Variants in SPHKAP observed in about 807,000 individuals in gnomAD.
The protein encoded by SPHKAP is A-kinase anchor protein SPHKAP.
In SPHKAP, 67 loss-of-function variants were observed where a neutral mutation model predicts 137.5. The observed-to-expected ratio is 0.49, with a 90% CI of 0.40 to 0.60. The LOEUF is 0.60. Among genes scored for constraint, SPHKAP ranks in the 20% least tolerant of loss-of-function variants. The pLI is 0.00. For synonymous variants in SPHKAP, 813 were observed against 785.3 expected (o/e 1.04, Z -0.59); for missense variants, 2,097 against 2,069.3 (o/e 1.01, Z -0.26).
intron 3 of SPHKAP, among the ~76,000 whole-genome samples, chr2:228,070,916 T>C (rs1229818687): frequency 6.6e-6 from 1 of 152,172 alleles, no homozygotes; most frequent in Non-Finnish European, 1.5e-5. Flanking sequence ...ACCACTTTGA[T>C]TCCTTCGGTG....
At chr2:228,164,981 A>G (rs551591026) in intron 1 of SPHKAP, among the ~76,000 whole-genome samples, 1 of 152,042 alleles carries the variant, frequency 6.6e-6, no homozygotes, top group Non-Finnish European at 1.5e-5. Flanking sequence ...AAGGGGGTGG[A>G]CTCTACTTGT....
chr2:228,006,294 C>T (rs1024337260), intron 7 of SPHKAP, among the ~76,000 whole-genome samples: 21 of 152,124 alleles, frequency 1.4e-4, no homozygotes, highest in Non-Finnish European at 1.0e-4. Flanking sequence ...TTCATTTGAT[C>T]TTCAGTCACT....
chr2:228,118,682 C>T (rs1400256922), intron 2 of SPHKAP, among the ~76,000 whole-genome samples: 2 of 152,052 alleles, frequency 1.3e-5, no homozygotes, highest in Non-Finnish European at 2.9e-5. Context: ...CATATTGGCT[C>T]ATATCATATT....
chr2:228,100,951 G>A (rs1015741606), intron 3 of SPHKAP, among the ~76,000 whole-genome samples: 1 of 152,116 alleles, frequency 6.6e-6, no homozygotes, highest in African/African-American at 2.4e-5. Flanking sequence ...ACCTCTGAGA[G>A]AATGGCCAAG....
chr2:228,131,913 A>C (rs1559190642), intron 2 of SPHKAP, 67 bp downstream of exon 2: 1 of 1,562,262 alleles, frequency 6.4e-7, no homozygotes, highest in East Asian at 2.3e-5. Context: ...AAGAGTGCTT[A>C]AAATTTCGAA....
chr2:228,092,226 TAC>T (rs1359235009), intron 3 of SPHKAP, among the ~76,000 whole-genome samples: 5 of 147,124 alleles, frequency 3.4e-5, no homozygotes, highest in Non-Finnish European at 6.0e-5. Context: ...CACACATATA[TAC>T]ACACATGTAT....
intron 11 of SPHKAP, among the ~76,000 whole-genome samples, chr2:227,989,788 T>G (rs1020943453): frequency 1.3e-5 from 2 of 151,794 alleles, no homozygotes; most frequent in African/African-American, 2.4e-5. Flanking sequence ...GTTTTTTTTT[T>G]TTTTTTTAAG....
rs1692997320 is a variant in SPHKAP at position 227,981,654 on chromosome 2, A to G, written c.*63T>C. The G allele has an allele frequency of 1.3e-6, 2 of 1,553,204 alleles. No individual in the cohort carries two copies. The highest frequency in any genetic ancestry group is 1.7e-6 in the Non-Finnish European group (2 of 1,153,340). ...TTTGAGAATGTTTAGAGCATTTAGAACAAACCACTGTAATCTAAGTTGGAA... is the reference window on the plus strand; with the variant it reads ...TTTGAGAATGTTTAGAGCATTTAGAGCAAACCACTGTAATCTAAGTTGGAA... On this transcript the variant is annotated 3_prime_UTR_variant, in exon 12 of 12. Coordinates refer to ENST00000392056, the MANE Select transcript of SPHKAP (RefSeq NM_001142644.2).
At chr2:227,989,708 C>T (rs188770038) in intron 11 of SPHKAP, among the ~76,000 whole-genome samples, 10 of 151,906 alleles carry the variant, frequency 6.6e-5, no homozygotes, top group South Asian at 2.1e-4. Context: ...TGGGTTCAAG[C>T]GATTCTCCTG....
chr2:228,092,326 C>T (rs1481661188), intron 3 of SPHKAP, among the ~76,000 whole-genome samples: 2 of 99,412 alleles, frequency 2.0e-5, no homozygotes, highest in South Asian at 2.6e-4. Flanking sequence ...TGTATACGTA[C>T]ACACACACGT....
chr2:228,069,319 C>A (rs1442628927), intron 3 of SPHKAP, among the ~76,000 whole-genome samples: 1 of 152,188 alleles, frequency 6.6e-6, no homozygotes, highest in East Asian at 1.9e-4. Context: ...CCTGAAGCCA[C>A]CTTCCAGAAA....
intron 3 of SPHKAP, among the ~76,000 whole-genome samples, chr2:228,057,164 C>T (rs1696477837): frequency 6.6e-6 from 1 of 152,038 alleles, no homozygotes; most frequent in Non-Finnish European, 1.5e-5. Context: ...TCTATAATAC[C>T]TTAAAAGAGC....
chr2:228,071,524 T>C (rs1221492834), intron 3 of SPHKAP, among the ~76,000 whole-genome samples: 2 of 152,236 alleles, frequency 1.3e-5, no homozygotes, highest in Non-Finnish European at 2.9e-5. Context: ...AGTTGTCATA[T>C]AATGACTTCA....
At chr2:228,096,635 T>A (rs1697991183) in intron 3 of SPHKAP, among the ~76,000 whole-genome samples, 2 of 17,084 alleles carry the variant, frequency 1.2e-4, no homozygotes, top group African/African-American at 4.4e-4. Flanking sequence ...GTCAACTGTG[T>A]GTGTGTGTGT....
At chr2:228,091,129 G>A (rs193288499) in intron 3 of SPHKAP, among the ~76,000 whole-genome samples, 2 of 152,062 alleles carry the variant, frequency 1.3e-5, no homozygotes, top group South Asian at 4.2e-4. Context: ...GGAGTTTGAA[G>A]GATATAAATA....
chr2:228,166,067 A>C (rs1198870054), intron 1 of SPHKAP, among the ~76,000 whole-genome samples: 2 of 152,200 alleles, frequency 1.3e-5, no homozygotes, highest in Non-Finnish European at 2.9e-5. Flanking sequence ...TCAGAAGAGG[A>C]GAAAATCCAC....
intron 1 of SPHKAP, among the ~76,000 whole-genome samples, chr2:228,142,693 T>C (rs1261272041): frequency 6.6e-6 from 1 of 151,544 alleles, no homozygotes; most frequent in Non-Finnish European, 1.5e-5. Context: ...CACTGGGGCG[T>C]TTTGGAGGGT....
intron 7 of SPHKAP, among the ~76,000 whole-genome samples, chr2:228,014,086 GAC>G (rs1694479770): frequency 1.3e-5 from 2 of 152,214 alleles, no homozygotes; most frequent in South Asian, 4.1e-4. Flanking sequence ...TAATATCAGT[GAC>G]ATTTAATTCA....
At chr2:228,062,322 A>G (rs1254062361) in intron 3 of SPHKAP, among the ~76,000 whole-genome samples, 1 of 151,912 alleles carries the variant, frequency 6.6e-6, no homozygotes, top group Non-Finnish European at 1.5e-5. Context: ...ACAGTGTTTC[A>G]CCATGTCAGC....
Sources: allele counts gnomAD v4.1 joint callset (sites outside exome capture counted in the v4.1 genomes callset), GRCh38; gene constraint gnomAD v4.1.1; transcripts MANE v1.5; gene names NCBI Gene and HGNC (gene_info 2026-07-23, HGNC 2026-07-21).